The following RORA variants were observed in gnomAD, a reference collection of about 807,000 sequenced individuals.
RORA encodes RAR related orphan receptor A.
RORA carries 7 observed loss-of-function variants against 69.5 expected under a neutral mutation model. That is an observed-to-expected ratio of 0.10 (90% CI 0.06 to 0.19). The LOEUF is 0.19. Ranked by LOEUF, RORA falls within the 10% of genes least tolerant of loss-of-function variation. RORA has a pLI of 1.00. For synonymous variants in RORA, 261 were observed against 240.8 expected, an observed-to-expected ratio of 1.08 and a Z score of -0.78; for missense variants, 457 against 663.0, an observed-to-expected ratio of 0.69 and a Z score of 3.41.
At chr15:60,852,271 G>C (rs955972439) in intron 1 of RORA, among the ~76,000 whole-genome samples, 1 of 152,186 alleles carries the variant, frequency 6.6e-6, no homozygotes, top group Non-Finnish European at 1.5e-5. Flanking sequence ...GCTTATAGGA[G>C]CTAACATCAT....
chr15:61,158,021 C>T (rs879406999), intron 1 of RORA, among the ~76,000 whole-genome samples: 2 of 152,146 alleles, frequency 1.3e-5, no homozygotes, highest in Admixed American at 6.5e-5. Context: ...CATGAGAGGA[C>T]GTGCCAAAGC....
chr15:61,201,995 C>T (rs927329203), intron 1 of RORA, among the ~76,000 whole-genome samples: 2 of 144,260 alleles, frequency 1.4e-5, no homozygotes, highest in Non-Finnish European at 1.5e-5. Context: ...TAATATTTAT[C>T]AACCCTGCTT....
intron 1 of RORA, among the ~76,000 whole-genome samples, chr15:60,680,613 G>C (rs1255433311): frequency 6.6e-6 from 1 of 151,896 alleles, no homozygotes; most frequent in Non-Finnish European, 1.5e-5. Flanking sequence ...CCTCAGTTTT[G>C]TTTAACTGTC....
chr15:60,727,063 G>C (rs2071367786), intron 1 of RORA, among the ~76,000 whole-genome samples: 1 of 152,178 alleles, frequency 6.6e-6, no homozygotes, highest in South Asian at 2.1e-4. Flanking sequence ...CAGGTTTGCT[G>C]GTTTTTGTCC....
At chr15:60,515,499 C>G (rs1244497457) in intron 3 of RORA, among the ~76,000 whole-genome samples, 1 of 152,068 alleles carries the variant, frequency 6.6e-6, no homozygotes, top group South Asian at 2.1e-4. Flanking sequence ...AGCTACTGAC[C>G]TCAATAACTT....
chr15:60,764,845 T>C (rs1044936009), intron 1 of RORA: 3 of 152,192 alleles, frequency 2.0e-5, no homozygotes, highest in Non-Finnish European at 4.4e-5. Flanking sequence ...TTTACCACAT[T>C]GTACTTGAAA....
intron 2 of RORA, among the ~76,000 whole-genome samples, chr15:60,552,016 C>T (rs2067239901): frequency 6.6e-6 from 1 of 152,160 alleles, no homozygotes; most frequent in African/African-American, 2.4e-5. Flanking sequence ...CACAGGGGAC[C>T]TGACTTTGAG....
intron 1 of RORA, among the ~76,000 whole-genome samples, chr15:60,820,652 G>A (rs993986372): frequency 6.6e-6 from 1 of 152,116 alleles, no homozygotes; most frequent in Non-Finnish European, 1.5e-5. Context: ...GGGGGTGGAG[G>A]TGGCAGGTGA....
chr15:60,627,558 C>G, intron 2 of RORA: 1 of 1,349,680 alleles, frequency 7.4e-7, no homozygotes, highest in Non-Finnish European at 9.5e-7. Context: ...GAATCCCAGC[C>G]ACAAAGAATG....
At position 61,229,242 on chromosome 15, in the gene RORA, C is replaced by T. The variant is rs1473722204; in HGVS notation, c.-24G>A. The T allele has an allele frequency of 2.4e-6, 3 of 1,248,620 alleles. No individual in the cohort carries two copies. In the South Asian group the frequency reaches 4.3e-5, roughly 18 times the overall value. 77.3% of individuals were successfully genotyped at this position (1,248,620 alleles called of 1,614,324 possible). On this transcript the variant is annotated 5_prime_UTR_variant, in exon 1 of 11. Coordinates refer to ENST00000335670, the MANE Select transcript of RORA (RefSeq NM_134261.3). ...ATGTTTTTTCCCAATGTAGAGATCG[C>T]TGGAGATGGCGAGCTCCGAGACTCC...
At chr15:61,181,059 A>G (rs922672428) in intron 1 of RORA, among the ~76,000 whole-genome samples, 1 of 150,736 alleles carries the variant, frequency 6.6e-6, no homozygotes, top group Non-Finnish European at 1.5e-5. Context: ...AGCCGAGATC[A>G]TGCCACTGCA....
rs144228353 is a variant in RORA, at chr15:60,667,485, C to T, written c.196+11172G>A. ...GTTAAATACATCACCACATCTAAGC[C>T]CTTGCAAGCCGAGAAGTTAAGGTTA... On this transcript the variant is annotated intron_variant, in intron 2 of 10. Coordinates refer to ENST00000335670, the MANE Select transcript of RORA (RefSeq NM_134261.3). Among the ~76,000 whole-genome samples the T allele has an allele frequency of 1.9e-4, 29 of 152,204 alleles. 1 individual carries two copies. In the East Asian group the frequency reaches 5.4e-3, roughly 28 times the overall value.
intron 2 of RORA, among the ~76,000 whole-genome samples, chr15:60,621,264 AT>A (rs1263617500): frequency 1.3e-5 from 2 of 152,100 alleles, no homozygotes; most frequent in African/African-American, 4.8e-5. Context: ...AGAGGCTTCC[AT>A]TTGTCTATTT....
intron 1 of RORA, among the ~76,000 whole-genome samples, chr15:60,823,245 A>G (rs1438872162): frequency 6.6e-6 from 1 of 151,708 alleles, no homozygotes; most frequent in Non-Finnish European, 1.5e-5. Context: ...GCTGGAGTGC[A>G]ATGGTGCAGT....
At chr15:60,755,731 C>A (rs9920560) in intron 1 of RORA, among the ~76,000 whole-genome samples, 31,206 of 152,032 alleles carry the variant, frequency 0.21, 3,754 homozygotes, top group African/African-American at 0.34. Context: ...TTGTGGGATA[C>A]ATGATTGTTC....
At chr15:60,639,295 A>C (rs2069898779) in intron 2 of RORA, among the ~76,000 whole-genome samples, 1 of 150,794 alleles carries the variant, frequency 6.6e-6, no homozygotes, top group Non-Finnish European at 1.5e-5. Context: ...AATTAAAGGC[A>C]TAAACAATTA....
chr15:60,716,238 G>A (rs981931006), intron 1 of RORA, among the ~76,000 whole-genome samples: 8 of 152,218 alleles, frequency 5.3e-5, no homozygotes, highest in Admixed American at 2.6e-4. Flanking sequence ...ACTAGGGCAA[G>A]AAGTGGGCTA....
At chr15:61,199,188 C>T (rs1277078750) in intron 1 of RORA, among the ~76,000 whole-genome samples, 1 of 152,042 alleles carries the variant, frequency 6.6e-6, no homozygotes, top group Non-Finnish European at 1.5e-5. Flanking sequence ...ACCAAAAATG[C>T]CTCATTTTCA....
At chr15:61,165,972 A>T (rs1361829860) in intron 1 of RORA, among the ~76,000 whole-genome samples, 1 of 152,214 alleles carries the variant, frequency 6.6e-6, no homozygotes, top group Non-Finnish European at 1.5e-5. Flanking sequence ...CATAGACCTA[A>T]GTGGCAGAAG....
Sources: allele counts gnomAD v4.1 joint callset (sites outside exome capture counted in the v4.1 genomes callset), GRCh38; gene constraint gnomAD v4.1.1; transcripts MANE v1.5; gene names NCBI Gene and HGNC (gene_info 2026-07-23, HGNC 2026-07-21).